FER: variants seen among roughly 807,000 people sequenced by gnomAD.
FER encodes FER tyrosine kinase.
FER carries 63 observed loss-of-function variants against 111.0 expected under a neutral mutation model. The ratio of observed to expected loss-of-function variants is 0.57; its 90% confidence interval spans 0.46 to 0.70. The LOEUF (loss-of-function observed/expected upper bound fraction) is 0.70. Among genes scored for constraint, FER ranks in the 30% least tolerant of loss-of-function variants. The pLI is 0.00. For missense variants in FER, 914 were observed against 954.0 expected (o/e 0.96, Z 0.55); for synonymous variants, 327 against 313.9 (o/e 1.04, Z -0.44).
chr5:108,824,398 A>G (rs1319277298), intron 3 of FER, among the ~76,000 whole-genome samples: 1 of 151,930 alleles, frequency 6.6e-6, no homozygotes, highest in Non-Finnish European at 1.5e-5. Context: ...GGTGGTATGG[A>G]TATTTTAATG....
At chr5:109,159,928 T>C (rs78745392) in intron 17 of FER, among the ~76,000 whole-genome samples, 15,341 of 152,192 alleles carry the variant, frequency 0.1, 800 homozygotes, top group Non-Finnish European at 0.12. Flanking sequence ...ACCTTTTCTG[T>C]TTTCTTAGTG....
intron 1 of FER, among the ~76,000 whole-genome samples, chr5:108,758,368 T>C (rs1048750637): frequency 2.0e-5 from 3 of 152,228 alleles, no homozygotes; most frequent in Non-Finnish European, 2.9e-5. Flanking sequence ...TTAATTCTTA[T>C]AACTTTGGGA....
At chr5:109,162,900 G>A (rs1214312711) in intron 17 of FER, among the ~76,000 whole-genome samples, 2 of 151,550 alleles carry the variant, frequency 1.3e-5, no homozygotes, top group Non-Finnish European at 2.9e-5. Flanking sequence ...CAATTTTAAG[G>A]TACAGTTTGA....
chr5:108,933,142 G>T (rs1306730519), intron 10 of FER, among the ~76,000 whole-genome samples: 1 of 151,964 alleles, frequency 6.6e-6, no homozygotes, highest in African/African-American at 2.4e-5. Flanking sequence ...CATTGCTTTT[G>T]GTGTTTTAGT....
At chr5:108,749,842 T>G (rs1392692193) in intron 1 of FER, among the ~76,000 whole-genome samples, 1 of 152,146 alleles carries the variant, frequency 6.6e-6, no homozygotes, top group Middle Eastern at 3.2e-3. Flanking sequence ...ATACGCTCAT[T>G]GGGTTGTGTT....
intron 6 of FER, 59 bp downstream of exon 6, chr5:108,868,009 T>A: frequency 6.6e-7 from 1 of 1,508,878 alleles, no homozygotes; most frequent in South Asian, 1.2e-5. Flanking sequence ...CAACATATTT[T>A]CTCTCTAGTT....
At chr5:109,080,222 C>A (rs764739243) in intron 16 of FER, among the ~76,000 whole-genome samples, 5 of 151,958 alleles carry the variant, frequency 3.3e-5, no homozygotes, top group Non-Finnish European at 7.4e-5. Context: ...AATCTAAATT[C>A]TTTTGATGCT....
chr5:108,803,237 T>C (rs941825206), intron 3 of FER, among the ~76,000 whole-genome samples: 2 of 152,180 alleles, frequency 1.3e-5, no homozygotes, highest in African/African-American at 4.8e-5. Context: ...ATTAGTCCTT[T>C]GTTGGATGCA....
chr5:108,893,080 A>G (rs1283741602), intron 9 of FER, among the ~76,000 whole-genome samples: 2 of 152,090 alleles, frequency 1.3e-5, no homozygotes, highest in Non-Finnish European at 1.5e-5. Context: ...GCCTTGTAGT[A>G]TAGTTTGAAG....
intron 17 of FER, among the ~76,000 whole-genome samples, chr5:109,100,720 C>G (rs1487321947): frequency 2.0e-5 from 3 of 151,752 alleles, no homozygotes; most frequent in African/African-American, 4.8e-5. Flanking sequence ...AAGTGAGTAC[C>G]TAATTAGACA....
intron 2 of FER, among the ~76,000 whole-genome samples, chr5:108,793,656 T>G (rs1365556053): frequency 6.6e-6 from 1 of 152,176 alleles, no homozygotes; most frequent in Non-Finnish European, 1.5e-5. Flanking sequence ...TTCAGGATTC[T>G]CTCTTTTCTA....
At chr5:109,030,875 A>G (rs1045089325) in intron 13 of FER, among the ~76,000 whole-genome samples, 2 of 152,150 alleles carry the variant, frequency 1.3e-5, no homozygotes, top group African/African-American at 4.8e-5. Flanking sequence ...TCTCTTGCCA[A>G]TGCAACTGAG....
chr5:108,993,631 G>C (rs1284166921), intron 13 of FER, among the ~76,000 whole-genome samples: 1 of 124,268 alleles, frequency 8.0e-6, no homozygotes, highest in Non-Finnish European at 1.9e-5. Context: ...GCGAGGGCGA[G>C]GGTGAGGGCG....
chr5:108,992,826 G>T (rs1763413998), intron 13 of FER, among the ~76,000 whole-genome samples: 1 of 150,418 alleles, frequency 6.6e-6, no homozygotes, highest in South Asian at 2.1e-4. Flanking sequence ...CTCAGACAGG[G>T]CGGCCGGGCA....
chr5:109,139,924 G>A (rs1044281517), intron 17 of FER, among the ~76,000 whole-genome samples: 6 of 152,172 alleles, frequency 3.9e-5, no homozygotes, highest in African/African-American at 1.4e-4. Context: ...ACAGTATACT[G>A]CTATCAATTA....
intron 18 of FER, among the ~76,000 whole-genome samples, chr5:109,182,930 C>G (rs1257793636): frequency 6.6e-6 from 1 of 152,128 alleles, no homozygotes; most frequent in African/African-American, 2.4e-5. Flanking sequence ...CAACCTCAAC[C>G]TCCAGGGCTC....
chr5:109,157,306 G>A (rs994165161), intron 17 of FER, among the ~76,000 whole-genome samples: 3 of 152,140 alleles, frequency 2.0e-5, no homozygotes, highest in East Asian at 1.9e-4. Flanking sequence ...TCTTAGTGAC[G>A]GTTTCTATGA....
At chr5:109,127,574 T>G (rs1489237699) in intron 17 of FER, among the ~76,000 whole-genome samples, 1 of 152,004 alleles carries the variant, frequency 6.6e-6, no homozygotes, top group Non-Finnish European at 1.5e-5. Context: ...AGCTAATTTT[T>G]TTTTGTATTT....
At chr5:109,054,847 T>C (rs1274638891) in intron 16 of FER, among the ~76,000 whole-genome samples, 3 of 152,222 alleles carry the variant, frequency 2.0e-5, no homozygotes, top group African/African-American at 7.2e-5. Flanking sequence ...ATGACTATTC[T>C]TTCTCTCTTG....
Sources: allele counts gnomAD v4.1 joint callset (sites outside exome capture counted in the v4.1 genomes callset), GRCh38; gene constraint gnomAD v4.1.1; transcripts MANE v1.5; gene names NCBI Gene and HGNC (gene_info 2026-07-23, HGNC 2026-07-21).